MED12L: variants seen among roughly 807,000 people sequenced by gnomAD.
The protein encoded by MED12L is mediator complex subunit 12L.
Under a neutral mutation model 281.3 loss-of-function variants are expected in MED12L, and 60 were observed. The observed-to-expected ratio is 0.21, with a 90% CI of 0.17 to 0.26. The LOEUF (loss-of-function observed/expected upper bound fraction) is 0.26, where lower values mean the gene tolerates loss of function less well. Among genes scored for constraint, MED12L ranks in the 10% least tolerant of loss-of-function variants. The pLI is 1.00. For missense variants in MED12L, 2,146 were observed against 2,680.9 expected (o/e 0.80, Z 4.41); for synonymous variants, 974 against 987.2 (o/e 0.99, Z 0.25).
intron 16 of MED12L, among the ~76,000 whole-genome samples, chr3:151,237,750 A>G (rs1733207683): frequency 6.6e-6 from 1 of 152,186 alleles, no homozygotes; most frequent in Non-Finnish European, 1.5e-5. Context: ...TTATCTTTTC[A>G]GATTAAAAAT....
chr3:151,421,411 GT>G (rs1718236538), intron 43 of MED12L, among the ~76,000 whole-genome samples: 2 of 129,806 alleles, frequency 1.5e-5, no homozygotes, highest in East Asian at 4.3e-4. Flanking sequence ...TTTTTTTTTT[GT>G]TTTGTTTCTT....
intron 43 of MED12L, among the ~76,000 whole-genome samples, chr3:151,422,083 G>A (rs1244619368): frequency 6.6e-6 from 1 of 152,198 alleles, no homozygotes; most frequent in African/African-American, 2.4e-5. Context: ...GCAGTCGTGT[G>A]TGTGGTGGAG....
chr3:151,316,165 A>G (rs1192236052), intron 16 of MED12L, among the ~76,000 whole-genome samples: 2 of 152,202 alleles, frequency 1.3e-5, no homozygotes, highest in East Asian at 3.8e-4. Context: ...TTTTATCAAA[A>G]TGAGACAGTT....
chr3:151,230,305 T>C (rs557240633), intron 16 of MED12L, among the ~76,000 whole-genome samples: 1 of 152,360 alleles, frequency 6.6e-6, no homozygotes, highest in African/African-American at 2.4e-5. Flanking sequence ...GTGTCTGTTT[T>C]AGAACATTCC....
intron 21 of MED12L, among the ~76,000 whole-genome samples, chr3:151,363,157 T>C (rs1010634892): frequency 1.3e-5 from 2 of 152,020 alleles, no homozygotes; most frequent in African/African-American, 4.8e-5. Context: ...TACTCAGGGG[T>C]CAGCAGAGTG....
rs768418573 is a variant in MED12L at position 151,387,858 on chromosome 3, G to C, written c.5137G>C (p.Glu1713Gln). The C allele has an allele frequency of 6.2e-7, 1 of 1,614,104 alleles. No individual in the cohort carries two copies. Among genetic ancestry groups the C allele is most frequent in the Admixed American group, 1.7e-5 (1 of 60,018 alleles). ...GAAGGTGTCCCCGTGGGACTTGTTT[G>C]AGGGTCAGAAGAACCCAGCTCCTTT... is the stretch of plus-strand genomic sequence containing the variant. ...KQKVSPWDLF[E>Q]GQKNPAPLSW... is the part of the protein sequence containing the mutation. Residue 1713 changes from glutamate to glutamine, a missense_variant, in exon 37 of 45, where the codon GAG becomes CAG. This residue lies in a region of MED12L where 212 missense variants were observed against 340.8 expected (regional missense o/e 0.62). Transcript: ENST00000687756.
At chr3:151,115,071 A>T (rs922434967) in intron 2 of MED12L, among the ~76,000 whole-genome samples, 3 of 152,188 alleles carry the variant, frequency 2.0e-5, no homozygotes, top group African/African-American at 7.2e-5. Context: ...CTCCCTTGGA[A>T]TTGGAGTTGG....
intron 15 of MED12L, 142 bp downstream of exon 15, chr3:151,192,796 T>C: frequency 1.5e-6 from 1 of 672,776 alleles, no homozygotes; most frequent in East Asian, 2.7e-5. Flanking sequence ...GGTACAATTA[T>C]CATCTGACAC....
chr3:151,239,573 G>A (rs1411025063), intron 16 of MED12L, among the ~76,000 whole-genome samples: 3 of 152,098 alleles, frequency 2.0e-5, no homozygotes, highest in African/African-American at 7.2e-5. Context: ...AATGTTACTT[G>A]TGTTAACCTG....
chr3:151,411,284 C>T lies in MED12L; in HGVS notation c.5917C>T (p.Pro1973Ser). The T allele has an allele frequency of 6.2e-7, 1 of 1,614,110 alleles. No homozygotes were observed. The highest frequency in any genetic ancestry group is 2.2e-5 in the East Asian group (1 of 44,888). ...YPGLQQAQTMPQGYTMYGTQM... is the reference protein window; with the variant it reads ...YPGLQQAQTMSQGYTMYGTQM... ...CCCTTGTGCCTACCTGCAGACCATG[C>T]CACAGGGCTATACAATGTATGGGAC... is the stretch of plus-strand genomic sequence containing the variant. The change falls in exon 41 of 45, where the codon CCA becomes TCA. Residue 1973 changes from proline to serine, a missense_variant. Pro to Ser is a moderately conservative substitution (Grantham distance 74, BLOSUM62 -1). Around this residue, in one of 9 missense-constraint regions of MED12L, gnomAD observed 496 missense variants for 512.0 expected, o/e 0.97. Coordinates refer to ENST00000687756, the MANE Select transcript of MED12L (RefSeq NM_001393769.1).
intron 1 of MED12L, chr3:151,086,328 T>G (rs1719176928): frequency 6.6e-6 from 1 of 152,558 alleles, no homozygotes; most frequent in Non-Finnish European, 1.5e-5. Context: ...CGTGTCCAGG[T>G]GGCGGGGTCT....
intron 28 of MED12L, 151 bp downstream of exon 28, chr3:151,376,365 A>AT (rs1756855390): frequency 3.3e-6 from 2 of 611,276 alleles, no homozygotes; most frequent in African/African-American, 3.8e-5. Context: ...GACATACTTT[A>AT]TTTTTGGGTG....
intron 28 of MED12L, among the ~76,000 whole-genome samples, chr3:151,376,535 T>G (rs1325340818): frequency 6.6e-6 from 1 of 152,190 alleles, no homozygotes. Flanking sequence ...TTAAATAGAT[T>G]TTGAAAGGAG....
intron 16 of MED12L, among the ~76,000 whole-genome samples, chr3:151,298,861 T>C (rs1745476955): frequency 6.6e-6 from 1 of 152,176 alleles, no homozygotes; most frequent in Admixed American, 6.5e-5. Context: ...ACTAGCTACG[T>C]TCAAGTTTCC....
chr3:151,304,292 C>T (rs1435243728), intron 16 of MED12L, among the ~76,000 whole-genome samples: 1 of 152,134 alleles, frequency 6.6e-6, no homozygotes, highest in African/African-American at 2.4e-5. Flanking sequence ...TAAAAATGTT[C>T]TGGCCAGGCA....
intron 37 of MED12L, 80 bp from the exon 38 acceptor site, chr3:151,389,899 T>G (rs1713963745): frequency 7.0e-7 from 1 of 1,419,012 alleles, no homozygotes. Flanking sequence ...GTACCTCAGA[T>G]AGCTTACTGA....
chr3:151,369,773 T>C (rs1755955823), intron 26 of MED12L, among the ~76,000 whole-genome samples: 1 of 152,220 alleles, frequency 6.6e-6, no homozygotes, highest in East Asian at 1.9e-4. Flanking sequence ...TAATATTTTT[T>C]ATGGTATTTT....
chr3:151,271,069 A>G (rs925377866), intron 16 of MED12L, among the ~76,000 whole-genome samples: 4 of 152,124 alleles, frequency 2.6e-5, no homozygotes, highest in Non-Finnish European at 4.4e-5. Flanking sequence ...TGTAGACACC[A>G]TTAAGAAAAT....
intron 38 of MED12L, among the ~76,000 whole-genome samples, 181 bp from the exon 39 acceptor site, chr3:151,394,475 A>G (rs755380596): frequency 2.0e-5 from 3 of 152,234 alleles, no homozygotes; most frequent in Non-Finnish European, 2.9e-5. Context: ...CACTCCCCTC[A>G]TCTTTTGTAA....
Sources: allele counts gnomAD v4.1 joint callset (sites outside exome capture counted in the v4.1 genomes callset), GRCh38; gene constraint gnomAD v4.1.1; regional missense constraint gnomAD v4.1.1; transcripts MANE v1.5; gene names NCBI Gene and HGNC (gene_info 2026-07-23, HGNC 2026-07-21).